The following KNTC1 variants were observed in gnomAD, a reference collection of about 807,000 sequenced individuals.
KNTC1 encodes the protein kinetochore-associated protein 1.
A neutral mutation model predicts 314.4 loss-of-function variants in KNTC1; 253 were observed. The observed-to-expected ratio is 0.80, with a 90% CI of 0.73 to 0.89. The LOEUF is 0.89. KNTC1 is among the 40% of genes least tolerant of loss of function. The pLI is 0.00. For missense variants in KNTC1, 2,475 were observed against 2,572.9 expected (o/e 0.96, Z 0.82); for synonymous variants, 901 against 901.4 (o/e 1.00, Z 0.01).
At chr12:122,552,744 T>G (rs1346193067) in intron 16 of KNTC1, among the ~76,000 whole-genome samples, 1 of 152,138 alleles carries the variant, frequency 6.6e-6, no homozygotes, top group African/African-American at 2.4e-5. Context: ...GGTTGTCATT[T>G]TAGAAAGACA....
chr12:122,606,843 CT>C (rs34023956), intron 51 of KNTC1, among the ~76,000 whole-genome samples: 4 of 152,100 alleles, frequency 2.6e-5, no homozygotes, highest in South Asian at 4.1e-4. Context: ...CCCTTACCCC[CT>C]GAATATTTTA....
chr12:122,547,507 A>C lies in KNTC1; in HGVS notation c.909A>C (p.Ala303=), dbSNP rs778373080. Residue 303 remains alanine, a synonymous_variant, in exon 11 of 64, where the codon GCA becomes GCC. Coordinates refer to ENST00000333479, the MANE Select transcript of KNTC1 (RefSeq NM_014708.6). ...HVEEFLLTTE[A]DSPSSVTWQG... ...AAGAGTTTCTTCTTACTACAGAAGCAGACTCTCCTTCATCAGTCACGTGGT... is the reference window on the plus strand; with the variant it reads ...AAGAGTTTCTTCTTACTACAGAAGCCGACTCTCCTTCATCAGTCACGTGGT... The C allele has an allele frequency of 3.1e-6, 5 of 1,609,056 alleles. No individual in the cohort carries two copies. Among genetic ancestry groups the C allele is most frequent in the Admixed American group, 3.3e-5 (2 of 59,852 alleles).
At chr12:122,618,877 G>A (rs1874088701) in intron 59 of KNTC1, among the ~76,000 whole-genome samples, 1 of 151,394 alleles carries the variant, frequency 6.6e-6, no homozygotes, top group African/African-American at 2.4e-5. Flanking sequence ...AAAGTGTTGG[G>A]ATTACAGGCA....
At chr12:122,591,130 G>A (rs768851153) in intron 41 of KNTC1, among the ~76,000 whole-genome samples, 34 of 151,952 alleles carry the variant, frequency 2.2e-4, no homozygotes, top group Admixed American at 3.3e-4. Context: ...TATTATAAAG[G>A]AAAGCCAGGC....
At position 122,569,824 on chromosome 12, in the gene KNTC1, G is replaced by T; in HGVS notation, c.1860G>T (p.Gln620His). The T allele has an allele frequency of 1.2e-6, 2 of 1,604,836 alleles. No individual in the cohort carries two copies. The highest frequency in any genetic ancestry group is 1.7e-6 in the Non-Finnish European group (2 of 1,176,888). Residue 620 changes from glutamine (Q) to histidine (H), a missense_variant and splice_region_variant, in exon 22 of 64, where the codon CAG becomes CAT. By Grantham distance (24) the Gln-to-His change is conservative. Transcript: ENST00000333479. ...TAAGAAGGACTGTGCCTGAAGGACA[G>T]GTGAGTTGTCTTCAGTATTTCCACT... is the stretch of plus-strand genomic sequence containing the variant. The part of the protein sequence containing the change: ...PFVRRTVPEG[Q>H]IILAKWLEQA...
chr12:122,604,605 G>T lies in KNTC1; in HGVS notation c.5143G>T (p.Ala1715Ser). 6.3e-7 allele frequency: 1 copy of T among 1,594,898 alleles called. No homozygotes were observed. ...TGCTTTGAAATTCTGCCTTTATTTA[G>T]CTGAGAGATGGCTACAGAATATCCC... is the stretch of plus-strand genomic sequence containing the variant. The part of the protein sequence containing the change: ...ISALKFCLYL[A>S]ERWLQNIPSQ... Residue 1715 changes from alanine (A) to serine (S), a missense_variant, in exon 49 of 64, where the codon GCT (alanine) becomes TCT (serine). Physicochemically the swap from Ala to Ser is moderately conservative, Grantham distance 99. Coordinates refer to ENST00000333479, the MANE Select transcript of KNTC1 (RefSeq NM_014708.6).
chr12:122,543,063 C>T (rs764121472), intron 6 of KNTC1, among the ~76,000 whole-genome samples: 10 of 152,066 alleles, frequency 6.6e-5, no homozygotes, highest in Non-Finnish European at 5.9e-5. Flanking sequence ...CAGGTGCGCA[C>T]CACCACACCT....
At chr12:122,568,138 GT>G (rs1211236979) in intron 20 of KNTC1, 122 bp from the exon 21 acceptor site, 6 of 605,842 alleles carry the variant, frequency 9.9e-6, no homozygotes, top group Non-Finnish European at 1.7e-5. Flanking sequence ...GTTTTTTTTA[GT>G]TTTTTGTTTT....
At chr12:122,619,347 GT>G (rs1250167166) in intron 59 of KNTC1, among the ~76,000 whole-genome samples, 1 of 147,212 alleles carries the variant, frequency 6.8e-6, no homozygotes, top group African/African-American at 2.5e-5. Context: ...AATATTTGTA[GT>G]TTTAGTAGAG....
intron 22 of KNTC1, among the ~76,000 whole-genome samples, chr12:122,570,672 A>G (rs1964626774): frequency 6.6e-6 from 1 of 152,180 alleles, no homozygotes; most frequent in Non-Finnish European, 1.5e-5. Flanking sequence ...ATTATTTCAC[A>G]TTGCTTGCCT....
intron 51 of KNTC1, among the ~76,000 whole-genome samples, chr12:122,607,630 G>A (rs1298577917): frequency 6.6e-6 from 1 of 152,150 alleles, no homozygotes; most frequent in Non-Finnish European, 1.5e-5. Context: ...CTTGGTTACG[G>A]TGTTGTCTGT....
rs775879112 is a variant in KNTC1, at chr12:122,557,560, A to G, written c.1399-40A>G. The G allele has an allele frequency of 7.4e-6, 12 of 1,611,914 alleles. No homozygotes were observed. The African/African-American group carries it at 1.5e-4, about 20-fold the overall frequency. The stretch of plus-strand genomic sequence containing the variant: ...AGTATTTAGATTGACGTGTTGATCA[A>G]CATTAGGTTGCCTTACTGTGTCTGG... On this transcript the variant is annotated intron_variant, in intron 17 of 63. Coordinates refer to ENST00000333479, the MANE Select transcript of KNTC1 (RefSeq NM_014708.6).
chr12:122,581,112 C>T (rs1310151041), intron 33 of KNTC1, among the ~76,000 whole-genome samples: 1 of 151,538 alleles, frequency 6.6e-6, no homozygotes, highest in Non-Finnish European at 1.5e-5. Flanking sequence ...CTCTCAACAG[C>T]TGTATTGAGA....
chr12:122,590,235 A>T (rs1229569904), intron 40 of KNTC1, among the ~76,000 whole-genome samples: 1 of 151,996 alleles, frequency 6.6e-6, no homozygotes, highest in Non-Finnish European at 1.5e-5. Flanking sequence ...CATATTTTGT[A>T]TATATTTTTT....
At chr12:122,537,982 A>G (rs1305519994) in intron 3 of KNTC1, among the ~76,000 whole-genome samples, 1 of 151,990 alleles carries the variant, frequency 6.6e-6, no homozygotes, top group East Asian at 1.9e-4. Context: ...AAAATACCAA[A>G]AACTAGCTGG....
In KNTC1 at chr12:122,594,380, T is replaced by C. The variant is rs1302665071; in HGVS notation, c.4350T>C (p.Tyr1450=). ...TGGACACAAGCCTCATTTTGGAATA[T>C]TGCAGGTAATTCTTTAAACATTAAC... The part of the protein sequence containing the change: ...IDMDTSLILE[Y]CSTFQLDCDA... Residue 1450 remains tyrosine (Y), a synonymous_variant, in exon 43 of 64, where the codon TAT becomes TAC. Coordinates refer to ENST00000333479, the MANE Select transcript of KNTC1 (RefSeq NM_014708.6). 11 of 1,522,414 alleles carry C rather than the reference T, an allele frequency of 7.2e-6. No individual in the cohort carries two copies. The highest frequency in any genetic ancestry group is 9.1e-6 in the Non-Finnish European group (10 of 1,101,786). 94.3% of individuals were successfully genotyped at this position (1,522,414 alleles called of 1,614,324 possible).
intron 63 of KNTC1, among the ~76,000 whole-genome samples, chr12:122,624,907 TG>T (rs1222138597): frequency 1.3e-5 from 2 of 152,214 alleles, no homozygotes; most frequent in African/African-American, 4.8e-5. Context: ...AAGCCTAATG[TG>T]GGCTTAGTCT....
chr12:122,563,141 C>T (rs1964094638), intron 20 of KNTC1, among the ~76,000 whole-genome samples: 1 of 151,868 alleles, frequency 6.6e-6, no homozygotes, highest in Non-Finnish European at 1.5e-5. Flanking sequence ...ACTAGTTTTT[C>T]AGCAACAAAA....
chr12:122,588,554 C>T (rs1236408100), intron 39 of KNTC1, among the ~76,000 whole-genome samples, 158 bp from the exon 40 acceptor site: 18 of 152,138 alleles, frequency 1.2e-4, no homozygotes. Context: ...TTTGCTCCCT[C>T]CCAGTCAGTC....
Sources: gnomAD v4.1 joint callset for allele counts (sites outside exome capture counted in the v4.1 genomes callset) on GRCh38, gnomAD v4.1.1 for gene constraint, MANE v1.5 for transcripts, NCBI Gene and HGNC (gene_info 2026-07-23, HGNC 2026-07-21) for gene names.